The following PXN variants were observed in gnomAD, a reference collection of about 807,000 sequenced individuals.
PXN encodes the protein paxillin, also known as testicular tissue protein Li 134.
A neutral mutation model predicts 103.6 loss-of-function variants in PXN; 61 were observed. The observed-to-expected ratio is 0.59, with a 90% CI of 0.48 to 0.73. The LOEUF is 0.73. Ranked by LOEUF, PXN falls within the 30% of genes least tolerant of loss-of-function variation. The probability of loss-of-function intolerance (pLI) is 0.00; values close to 1 mark genes in which losing one functional copy is unlikely to be tolerated. For synonymous variants in PXN, 562 were observed against 607.8 expected (o/e 0.92, Z 1.11); for missense variants, 1,274 against 1,460.3 (o/e 0.87, Z 2.08).
chr12:120,223,823 G>A lies in PXN; in HGVS notation c.251C>T (p.Ser84Leu), dbSNP rs755316695. ...GGCACTGGAGCCGTACACAGGTGAT[G>A]AGGACTGAGGCTGCGAGAAGGAGAA... Reference protein sequence around the residue: ...SRFIHQQPQSSSPVYGSSAKT... With the variant: ...SRFIHQQPQSLSPVYGSSAKT... The change falls in exon 3 of 15, where the codon TCA becomes TTA. Residue 84 changes from serine to leucine, a missense_variant. Around this residue, in one of 2 missense-constraint regions of PXN, gnomAD observed 1,178 missense variants for 1,309.0 expected, o/e 0.90. Coordinates refer to ENST00000637617, the MANE Select transcript of PXN (RefSeq NM_001385981.1). 12 of 1,601,428 alleles carry A rather than the reference G, an allele frequency of 7.5e-6. No individual in the cohort carries two copies. The highest frequency in any genetic ancestry group is 6.7e-5 in the African/African-American group (5 of 74,748).
intron 1 of PXN, among the ~76,000 whole-genome samples, chr12:120,258,677 G>C (rs1893395678): frequency 6.6e-6 from 1 of 152,166 alleles, no homozygotes; most frequent in Admixed American, 6.5e-5. Context: ...AGATTGAATG[G>C]CTGTCATTGT....
chr12:120,242,223 T>C (rs1376847152), intron 1 of PXN, among the ~76,000 whole-genome samples: 2 of 152,162 alleles, frequency 1.3e-5, no homozygotes, highest in Non-Finnish European at 2.9e-5. Flanking sequence ...TGAACACAAG[T>C]TGTTCTCCCT....
intron 1 of PXN, among the ~76,000 whole-genome samples, chr12:120,243,006 A>T (rs1446726674): frequency 2.0e-5 from 3 of 152,110 alleles, no homozygotes; most frequent in Non-Finnish European, 4.4e-5. Context: ...AAGCCTAATG[A>T]CTGTCCTTGG....
chr12:120,238,614 C>T (rs1889566159), intron 1 of PXN, among the ~76,000 whole-genome samples: 1 of 152,258 alleles, frequency 6.6e-6, no homozygotes, highest in Non-Finnish European at 1.5e-5. Flanking sequence ...AAACACCACA[C>T]AGAAAGTCCC....
chr12:120,226,064 G>A (rs552206228), intron 1 of PXN: 531 of 1,083,020 alleles, frequency 4.9e-4, no homozygotes, highest in Admixed American at 8.2e-4. Flanking sequence ...CTAGCAAACC[G>A]GAACTAGAGG....
At position 120,215,519 on chromosome 12, in the gene PXN, AGCACGACAC is replaced by A. The variant is rs1313110581; in HGVS notation, c.2403+32_2403+40del. ...AGCAGGCATGGCCAAGCCCAGGGAG[AGCACGACAC>A]GCAGGACACCCAGCCCAGCCTTGGC... On this transcript the variant is annotated intron_variant, in intron 10 of 14. Transcript: ENST00000637617. This position sits in a 1 kb window ranked among gnomAD's most constrained non-coding sequence, Gnocchi z 4.9. 2.0e-6 allele frequency: 3 copies of A among 1,536,466 alleles called. No homozygotes were observed. Among genetic ancestry groups the A allele is most frequent in the Non-Finnish European group, 2.6e-6 (3 of 1,143,842 alleles).
intron 1 of PXN, among the ~76,000 whole-genome samples, chr12:120,255,675 C>A (rs1204259991): frequency 6.6e-6 from 1 of 151,806 alleles, no homozygotes; most frequent in African/African-American, 2.4e-5. Flanking sequence ...GCCTGGGTGA[C>A]AGAGAAAGAC....
rs778897577 is a variant in PXN, at chr12:120,215,682, A to G, written c.2302-21T>C. 1 of 1,580,470 alleles carries G rather than the reference A, an allele frequency of 6.3e-7. No homozygotes were observed. The highest frequency in any genetic ancestry group is 8.6e-7 in the Non-Finnish European group (1 of 1,167,036). ...TGGATCTTAGATAGGGGAAGAGATG[A>G]GGGTAAGAAATCTTTTTTAAAAATT... On this transcript the variant is annotated intron_variant, in intron 9 of 14. Transcript: ENST00000637617. The surrounding 1 kb of genome is among the most constrained non-coding windows in gnomAD (Gnocchi z 4.9).
intron 1 of PXN, among the ~76,000 whole-genome samples, chr12:120,245,503 T>C (rs561662688): frequency 6.6e-6 from 1 of 150,984 alleles, no homozygotes; most frequent in East Asian, 1.9e-4. Context: ...AAAAAAAGAA[T>C]GCGGCCGGGC....
intron 1 of PXN, among the ~76,000 whole-genome samples, chr12:120,233,295 T>C (rs374051676): frequency 1.3e-5 from 2 of 152,172 alleles, no homozygotes; most frequent in South Asian, 2.1e-4. Flanking sequence ...CCCCACAGCA[T>C]GGATACCCTC....
chr12:120,215,108 C>G lies in PXN; in HGVS notation c.2569G>C (p.Gly857Arg). ...VCGACKKPIA[G>R]QVVTAMGKTW... ...TGCCCACTCCCCCTCATCACCTGCC[C>G]GGCGATGGGCTTCTTGCAGGCCCCG... The change falls in exon 11 of 15, where the codon GGG (glycine) becomes CGG (arginine). Residue 857 changes from glycine (G) to arginine (R), a missense_variant. Gly to Arg is a moderately radical substitution (Grantham distance 125, BLOSUM62 -2). Coordinates refer to ENST00000637617, the MANE Select transcript of PXN (RefSeq NM_001385981.1). The surrounding 1 kb of genome is among the most constrained non-coding windows in gnomAD (Gnocchi z 4.9). The G allele has an allele frequency of 3.8e-6, 6 of 1,577,894 alleles. No individual in the cohort carries two copies. Among genetic ancestry groups the G allele is most frequent in the Non-Finnish European group, 3.4e-6 (4 of 1,159,644 alleles).
In PXN at chr12:120,219,617, C is replaced by T; in HGVS notation, c.1306G>A (p.Glu436Lys). The change falls in exon 7 of 15, where the codon GAG becomes AAG. Residue 436 changes from glutamate (E) to lysine (K), a missense_variant. Transcript: ENST00000637617. This position sits in a 1 kb window ranked among gnomAD's most constrained non-coding sequence, Gnocchi z 6.5. ...CPEEALAATW[E>K]QPWASEVFGP... is the part of the protein sequence containing the mutation. ...AATACCTCCGAAGCCCATGGCTGCT[C>T]CCATGTGGCAGCCAAGGCCTCCTCT... is the stretch of plus-strand genomic sequence containing the variant. The T allele has an allele frequency of 6.4e-7, 1 of 1,568,022 alleles. No homozygotes were observed. The highest frequency in any genetic ancestry group is 1.1e-5 in the South Asian group (1 of 87,826).
At chr12:120,248,327 C>G (rs1240659848) in intron 1 of PXN, among the ~76,000 whole-genome samples, 3 of 152,158 alleles carry the variant, frequency 2.0e-5, no homozygotes, top group African/African-American at 7.2e-5. Flanking sequence ...GAGGGAAGCA[C>G]GCCAGCTCAC....
Position 120,243,008 on chromosome 12 carries a change from T to A in PXN, c.14-18631A>T, listed in dbSNP as rs1266871940. On this transcript the variant is annotated intron_variant, in intron 1 of 14. Coordinates refer to ENST00000637617, the MANE Select transcript of PXN (RefSeq NM_001385981.1). ...CAATGAAGATGCAAAGCCTAATGAC[T>A]GTCCTTGGCCTTGTGGCTCAGGATA... Among the ~76,000 whole-genome samples, 4 of 152,266 alleles carry A rather than the reference T, an allele frequency of 2.6e-5. No homozygotes were observed. In the East Asian group the frequency reaches 7.7e-4, roughly 29 times the overall value.
intron 1 of PXN, among the ~76,000 whole-genome samples, chr12:120,246,514 C>CAAAAAAAAAAAA (rs139689226): frequency 2.6e-4 from 15 of 58,104 alleles, no homozygotes; most frequent in South Asian, 1.1e-3. Context: ...GACTCTGTCT[C>CAAAAAAAAAAAA]AAAAAAAAAA....
In PXN at chr12:120,216,474, G is replaced by A; in HGVS notation, c.2100C>T (p.Ser700=). The change falls in exon 9 of 15, where the codon AGC becomes AGT. Residue 700 remains serine (S), a synonymous_variant. Transcript: ENST00000637617. The surrounding 1 kb of genome is among the most constrained non-coding windows in gnomAD (Gnocchi z 5.1). ...LQHRTDAAAS[S]SSPLPSLLAS... Reference sequence around the variant, plus strand: ...CGAGCAGGCTGGGCAGGGGAGAAGAGCTGCTGGCCGCGGCGTCTGTGCGAT... The same window carrying A: ...CGAGCAGGCTGGGCAGGGGAGAAGAACTGCTGGCCGCGGCGTCTGTGCGAT... 7.2e-7 allele frequency: 1 copy of A among 1,386,594 alleles called. No individual in the cohort carries two copies. 85.9% of individuals were successfully genotyped at this position (1,386,594 alleles called of 1,614,324 possible).
intron 1 of PXN, among the ~76,000 whole-genome samples, chr12:120,251,009 G>C (rs1469102162): frequency 1.3e-5 from 2 of 152,188 alleles, no homozygotes; most frequent in Non-Finnish European, 1.5e-5. Context: ...TTCAAGACCA[G>C]CCTGGCCAAC....
rs1881269152 is a variant in PXN at position 120,213,672 on chromosome 12, A to G, written c.2979+170T>C. ...CTGGTTTGTCCCAGCCTCAGTACAA[A>G]CCCTGGCCCAGGACCTACTGGACTG... On this transcript the variant is annotated intron_variant, in intron 14 of 14. Coordinates refer to ENST00000637617, the MANE Select transcript of PXN (RefSeq NM_001385981.1). This position sits in a 1 kb window ranked among gnomAD's most constrained non-coding sequence, Gnocchi z 4.2. 6.6e-6 allele frequency among the ~76,000 whole-genome samples: 1 copy of G among 152,154 alleles called. No individual in the cohort carries two copies. The highest frequency in any genetic ancestry group is 2.1e-4 in the South Asian group (1 of 4,826).
In PXN at chr12:120,224,151, C is replaced by A. The variant is rs1442105556; in HGVS notation, c.240G>T (p.Gln80His). Reference sequence around the variant, plus strand: ...TTCCCAGCCACTGTCCCCGCCTCACCTGCTGGTGGATGAATCGGGAGCTGC... The same window carrying A: ...TTCCCAGCCACTGTCCCCGCCTCACATGCTGGTGGATGAATCGGGAGCTGC... ...QPSSSRFIHQ[Q>H]PQSSSPVYGS... Residue 80 changes from glutamine to histidine, a missense_variant and splice_region_variant, in exon 2 of 15, where the codon CAG (glutamine) becomes CAT (histidine). By Grantham distance (24) the Gln-to-His change is conservative (BLOSUM62 0). Coordinates refer to ENST00000637617, the MANE Select transcript of PXN (RefSeq NM_001385981.1). The surrounding 1 kb of genome is among the most constrained non-coding windows in gnomAD (Gnocchi z 5.0). 1.9e-6 allele frequency: 3 copies of A among 1,568,824 alleles called. No individual in the cohort carries two copies. The highest frequency in any genetic ancestry group is 2.6e-6 in the Non-Finnish European group (3 of 1,155,842).
Sources: gnomAD v4.1 joint callset for allele counts (sites outside exome capture counted in the v4.1 genomes callset) on GRCh38, gnomAD v4.1.1 for gene constraint, gnomAD v4.1.1 regional missense constraint, Gnocchi (gnomAD v3.1) non-coding constraint, MANE v1.5 for transcripts, NCBI Gene and HGNC (gene_info 2026-07-23, HGNC 2026-07-21) for gene names.